The following PCNX2 variants were observed in gnomAD, a reference collection of about 807,000 sequenced individuals.
PCNX2 encodes pecanex-like protein 2.
A neutral mutation model predicts 223.8 loss-of-function variants in PCNX2; 168 were observed. The observed-to-expected ratio is 0.75, with a 90% CI of 0.66 to 0.85. The LOEUF (loss-of-function observed/expected upper bound fraction) is 0.85, where lower values mean the gene tolerates loss of function less well. Ranked by LOEUF, PCNX2 falls within the 40% of genes least tolerant of loss-of-function variation. The probability of loss-of-function intolerance (pLI) is 0.00; values close to 1 mark genes in which losing one functional copy is unlikely to be tolerated. For missense variants in PCNX2, 2,507 were observed against 2,675.5 expected (o/e 0.94, Z 1.39); for synonymous variants, 1,006 against 1,052.6 (o/e 0.96, Z 0.86).
At chr1:233,292,203 T>C (rs1661807762) in intron 1 of PCNX2, among the ~76,000 whole-genome samples, 1 of 116,506 alleles carries the variant, frequency 8.6e-6, no homozygotes, top group Non-Finnish European at 1.7e-5. Context: ...TCTTTCTTTC[T>C]TTTTTTTTTT....
chr1:233,272,647 C>G (rs562742091), intron 1 of PCNX2, among the ~76,000 whole-genome samples: 1 of 152,280 alleles, frequency 6.6e-6, no homozygotes, highest in South Asian at 2.1e-4. Context: ...TACTGGGTAT[C>G]TAGCCAGAGG....
Position 233,025,382 on chromosome 1 carries a change from T to C in PCNX2, c.4369A>G (p.Arg1457Gly), listed in dbSNP as rs1277611219. 7 of 1,613,938 alleles carry C rather than the reference T, an allele frequency of 4.3e-6. No homozygotes were observed. The Admixed American group carries it at 8.3e-5, about 19-fold the overall frequency. Residue 1457 changes from arginine (R) to glycine (G), a missense_variant, in exon 26 of 34, where the codon AGG becomes GGG. Around this residue, in one of 3 missense-constraint regions of PCNX2, gnomAD observed 1,372 missense variants for 1,509.4 expected, o/e 0.91. Coordinates refer to ENST00000258229, the MANE Select transcript of PCNX2 (RefSeq NM_014801.4). ...CCCTCCATGATGGCTTCTACCTCCC[T>C]CTGCTGGCAGTAGGTTCCTGGCCGA... ...LEFRGTYCQQ[R>G]EVEAIMEGDE...
chr1:233,303,782 A>C, the PCNX2 span, among the ~76,000 whole-genome samples: 1 of 152,180 alleles, frequency 6.6e-6, no homozygotes, highest in Non-Finnish European at 1.5e-5. Flanking sequence ...TCTGATATTA[A>C]TGCAGTCACC....
At chr1:232,986,908 C>T (rs1273573215) in intron 32 of PCNX2, among the ~76,000 whole-genome samples, 2 of 152,222 alleles carry the variant, frequency 1.3e-5, no homozygotes, top group African/African-American at 2.4e-5. Flanking sequence ...AGGACAATGC[C>T]AGCAGCAGAA....
At chr1:233,045,978 CCTT>C (rs1370937837) in intron 25 of PCNX2, among the ~76,000 whole-genome samples, 2 of 152,242 alleles carry the variant, frequency 1.3e-5, no homozygotes, top group East Asian at 1.9e-4. Flanking sequence ...TCCAACAAAT[CCTT>C]CTTCTACTTA....
At chr1:233,185,954 T>C (rs1680072644) in intron 15 of PCNX2, among the ~76,000 whole-genome samples, 1 of 152,194 alleles carries the variant, frequency 6.6e-6, no homozygotes, top group South Asian at 2.1e-4. Context: ...TACAATTCTG[T>C]GGTAGATTTC....
intron 32 of PCNX2, among the ~76,000 whole-genome samples, chr1:232,989,174 G>T (rs1211116935): frequency 1.3e-5 from 2 of 152,080 alleles, no homozygotes; most frequent in East Asian, 3.9e-4. Context: ...TGCTCACTCG[G>T]CCGGGCACGG....
Position 233,200,146 on chromosome 1 carries a change from C to T in PCNX2, c.2974+8G>A, listed in dbSNP as rs1374118152. ...CTTTACAGGAAGAATAGAATGTAAA[C>T]GACTTACCAGAACCACCAAAAAACA... On this transcript the variant is annotated splice_region_variant and intron_variant, in intron 14 of 33. Coordinates refer to ENST00000258229, the MANE Select transcript of PCNX2 (RefSeq NM_014801.4). 1.9e-6 allele frequency: 3 copies of T among 1,546,322 alleles called. No homozygotes were observed. Among genetic ancestry groups the T allele is most frequent in the Admixed American group, 1.9e-5 (1 of 52,996 alleles).
At position 233,152,920 on chromosome 1, in the gene PCNX2, A is replaced by C. The variant is rs370387069; in HGVS notation, c.3517+7363T>G. ...TAATGTAGGAATTCCCAATTATAGAAGACAAAACTGAATCACAATGGCGAA... is the reference window on the plus strand; with the variant it reads ...TAATGTAGGAATTCCCAATTATAGACGACAAAACTGAATCACAATGGCGAA... On this transcript the variant is annotated intron_variant, in intron 19 of 33. Transcript: ENST00000258229. 6.9e-4 allele frequency among the ~76,000 whole-genome samples: 104 copies of C among 149,980 alleles called. 1 individual carries two copies. The highest frequency in any genetic ancestry group is 6.3e-3 in the South Asian group (30 of 4,750).
At chr1:233,219,344 TATA>T (rs939054863) in intron 10 of PCNX2, among the ~76,000 whole-genome samples, 7 of 151,614 alleles carry the variant, frequency 4.6e-5, no homozygotes, top group African/African-American at 9.7e-5. Context: ...GAGACAGGAT[TATA>T]ATGTCAGAGG....
In PCNX2 at chr1:233,001,948, T is replaced by C. The variant is rs1226580139; in HGVS notation, c.4953-267A>G. On this transcript the variant is annotated intron_variant, in intron 28 of 33. Transcript: ENST00000258229. The surrounding 1 kb of genome is among the most constrained non-coding windows in gnomAD (Gnocchi z 4.2). ...AGTACTTAATCACTGGATGTGACAC[T>C]AGGATTCCAGGTCAGAACTGGCCTC... 6.6e-6 allele frequency among the ~76,000 whole-genome samples: 1 copy of C among 152,182 alleles called. No homozygotes were observed. Among genetic ancestry groups the C allele is most frequent in the African/African-American group, 2.4e-5 (1 of 41,436 alleles).
At chr1:233,034,483 G>A (rs1671380100) in intron 25 of PCNX2, among the ~76,000 whole-genome samples, 1 of 152,192 alleles carries the variant, frequency 6.6e-6, no homozygotes, top group Admixed American at 6.5e-5. Flanking sequence ...AAGCCGCCCA[G>A]TCTATGGTAT....
At position 233,258,222 on chromosome 1, in the gene PCNX2, T is replaced by G. The variant is rs750731277; in HGVS notation, c.1640A>C (p.Glu547Ala). The part of the protein sequence containing the change: ...TDVFLSKSSA[E>A]IVNDTEKTMP... ...TGTTTTCTCTGTATCGTTAACAATT[T>G]CTGCAGAACTTTTACTCAAGAAGAC... Residue 547 changes from glutamate to alanine, a missense_variant, in exon 5 of 34, where the codon GAA (glutamate) becomes GCA (alanine). This residue lies in a region of PCNX2 where 1,031 missense variants were observed against 1,021.7 expected (regional missense o/e 1.01). Transcript: ENST00000258229. 7 of 1,613,862 alleles carry G rather than the reference T, an allele frequency of 4.3e-6. No individual in the cohort carries two copies. In the South Asian group the frequency reaches 7.7e-5, roughly 18 times the overall value.
chr1:233,137,477 C>T (rs1312642896), intron 20 of PCNX2, among the ~76,000 whole-genome samples: 1 of 152,176 alleles, frequency 6.6e-6, no homozygotes, highest in East Asian at 1.9e-4. Flanking sequence ...GTATCATTCA[C>T]ATTTATTTCA....
rs949047628 is a variant in PCNX2 at position 232,991,269 on chromosome 1, G to A, written c.5792-4729C>T. ...GCTGCAAGCCTGGGAGAGGGACACT[G>A]GGGACAGAGGAGGCAGCAGCTGAGG... On this transcript the variant is annotated intron_variant, in intron 32 of 33. Transcript: ENST00000258229. The surrounding 1 kb of genome is among the most constrained non-coding windows in gnomAD (Gnocchi z 4.3). 1.3e-5 allele frequency among the ~76,000 whole-genome samples: 2 copies of A among 152,162 alleles called. No homozygotes were observed. Among genetic ancestry groups the A allele is most frequent in the Non-Finnish European group, 2.9e-5 (2 of 68,028 alleles).
At chr1:233,143,511 A>G (rs1677246866) in intron 19 of PCNX2, among the ~76,000 whole-genome samples, 1 of 152,222 alleles carries the variant, frequency 6.6e-6, no homozygotes, top group South Asian at 2.1e-4. Flanking sequence ...TTACAAATGT[A>G]AATTCTCAGA....
intron 8 of PCNX2, among the ~76,000 whole-genome samples, chr1:233,245,870 C>T (rs985107273): frequency 4.6e-5 from 7 of 152,136 alleles, no homozygotes; most frequent in African/African-American, 1.7e-4. Flanking sequence ...GAGCCCAGAT[C>T]GCGCCACTGC....
chr1:232,998,654 C>A (rs1472130437), intron 31 of PCNX2, among the ~76,000 whole-genome samples: 9 of 152,212 alleles, frequency 5.9e-5, no homozygotes, highest in Non-Finnish European at 8.8e-5. Context: ...TCCGTCTCAA[C>A]CTTCCATAAG....
intron 9 of PCNX2, chr1:233,232,723 ATAG>A: frequency 1.3e-6 from 1 of 777,004 alleles, no homozygotes; most frequent in Non-Finnish European, 1.6e-6. Context: ...TGTTTTAATG[ATAG>A]TAAATTGTGA....
Sources: gnomAD v4.1 joint callset for allele counts (sites outside exome capture counted in the v4.1 genomes callset) on GRCh38, gnomAD v4.1.1 for gene constraint, gnomAD v4.1.1 regional missense constraint, Gnocchi (gnomAD v3.1) non-coding constraint, MANE v1.5 for transcripts, NCBI Gene and HGNC (gene_info 2026-07-23, HGNC 2026-07-21) for gene names.